The following BECN1 variants were observed in gnomAD, a reference collection of about 807,000 sequenced individuals.
The protein encoded by BECN1 is beclin-1.
A neutral mutation model predicts 60.1 loss-of-function variants in BECN1; 15 were observed. That is an observed-to-expected ratio of 0.25 (90% CI 0.17 to 0.38). The LOEUF (loss-of-function observed/expected upper bound fraction) is 0.38, where lower values mean the gene tolerates loss of function less well. Among genes scored for constraint, BECN1 ranks in the 10% least tolerant of loss-of-function variants. BECN1 has a pLI of 1.00. For synonymous variants in BECN1, 179 were observed against 201.8 expected (o/e 0.89, Z 0.96); for missense variants, 424 against 548.2 (o/e 0.77, Z 2.26).
chr17:42,811,385 CCTT>C (rs1055529234), intron 11 of BECN1: 51 of 360,536 alleles, frequency 1.4e-4, no homozygotes, highest in Non-Finnish European at 2.3e-4. Context: ...CAGGGAAAAA[CCTT>C]CTTGAAACTG....
intron 11 of BECN1, chr17:42,811,392 G>A: frequency 2.7e-6 from 1 of 368,600 alleles, no homozygotes; most frequent in Non-Finnish European, 4.8e-6. Flanking sequence ...AAACCTTCTT[G>A]AAACTGGAGA....
intron 10 of BECN1, among the ~76,000 whole-genome samples, chr17:42,813,046 G>GT (rs1426702118): frequency 7.0e-6 from 1 of 142,640 alleles, no homozygotes; most frequent in African/African-American, 2.6e-5. Context: ...GGGTTTCACT[G>GT]TGTTAGCCAG....
chr17:42,814,682 G>A lies in BECN1; in HGVS notation c.831-9C>T. On this transcript the variant is annotated splice_polypyrimidine_tract_variant and intron_variant, in intron 8 of 11. Transcript: ENST00000590099. ...CAAACTGTCCACTGTGCCTACAGAG[G>A]AAGGCAGAAAGGTGGGGGGAAATAC... 1.2e-6 allele frequency: 2 copies of A among 1,614,074 alleles called. No homozygotes were observed. Among genetic ancestry groups the A allele is most frequent in the South Asian group, 1.1e-5 (1 of 91,058 alleles).
At chr17:42,813,035 G>A (rs1383663669) in intron 10 of BECN1, among the ~76,000 whole-genome samples, 4 of 144,408 alleles carry the variant, frequency 2.8e-5, no homozygotes, top group Admixed American at 6.9e-5. Context: ...TAGTAGAGAC[G>A]GGGTTTCACT....
chr17:42,823,956 G>A (rs1408926130), intron 1 of BECN1, 77 bp from the exon 2 acceptor site: 3 of 1,531,814 alleles, frequency 2.0e-6, no homozygotes, highest in South Asian at 2.4e-5. Flanking sequence ...CACATGCCTT[G>A]GTGACGATGG....
At chr17:42,820,881 T>C in intron 2 of BECN1, 40 bp from the exon 3 acceptor site, 2 of 1,524,080 alleles carry the variant, frequency 1.3e-6, no homozygotes, top group Non-Finnish European at 1.8e-6. Context: ...ACAGTCTTAT[T>C]AAAGCAGGAG....
chr17:42,820,917 TGTGAA>T, intron 2 of BECN1, 76 bp from the exon 3 acceptor site: 6 of 1,342,916 alleles, frequency 4.5e-6, no homozygotes, highest in Non-Finnish European at 6.3e-6. Flanking sequence ...GGGAAAAGAA[TGTGAA>T]ATATTCTCAT....
At chr17:42,819,093 T>C (rs1437998041) in intron 4 of BECN1, 5 of 571,726 alleles carry the variant, frequency 8.7e-6, no homozygotes, top group Non-Finnish European at 1.5e-5. Flanking sequence ...TTGGCCTTGG[T>C]GGACTAAGGA....
At chr17:42,819,671 A>G in intron 3 of BECN1, 62 bp from the exon 4 acceptor site, 3 of 1,533,714 alleles carry the variant, frequency 2.0e-6, no homozygotes, top group Non-Finnish European at 2.7e-6. Flanking sequence ...TCATCTCCCA[A>G]ACAGCCTCAG....
Position 42,814,672 on chromosome 17 carries a change from G to C in BECN1, c.832C>G (p.His278Asp). ...NVFNATFHIW[H>D]SGQFGTINNF... ...TTGATTGTGCCAAACTGTCCACTGT[G>C]CCTACAGAGGAAGGCAGAAAGGTGG... Residue 278 changes from histidine (H) to aspartate (D), a missense_variant and splice_region_variant, in exon 9 of 12, where the codon CAC becomes GAC. By Grantham distance (81) the His-to-Asp change is moderately conservative. Around this residue, in one of 3 missense-constraint regions of BECN1, gnomAD observed 326 missense variants for 406.2 expected, o/e 0.80. Transcript: ENST00000590099. 6.2e-7 allele frequency: 1 copy of C among 1,614,078 alleles called. No individual in the cohort carries two copies. Among genetic ancestry groups the C allele is most frequent in the Non-Finnish European group, 8.5e-7 (1 of 1,180,010 alleles).
intron 9 of BECN1, 52 bp downstream of exon 9, chr17:42,814,472 T>C (rs1182575320): frequency 6.2e-7 from 1 of 1,606,646 alleles, no homozygotes; most frequent in African/African-American, 1.3e-5. Flanking sequence ...AGGTTGGAGA[T>C]ACAAATTATA....
chr17:42,811,644 G>A lies in BECN1; in HGVS notation c.1184+11C>T, dbSNP rs949493281. On this transcript the variant is annotated intron_variant, in intron 11 of 11. Coordinates refer to ENST00000590099, the MANE Select transcript of BECN1 (RefSeq NM_001313998.2). ...CCTATACAAGTTCACTCAGCATTGC[G>A]CTATACTGACCTGTAGGGAAGACAA... is the stretch of plus-strand genomic sequence containing the variant. 1.1e-5 allele frequency: 18 copies of A among 1,612,042 alleles called. No individual in the cohort carries two copies. The African/African-American group carries it at 1.5e-4, about 13-fold the overall frequency.
chr17:42,819,054 G>A (rs1422882386), intron 4 of BECN1, 177 bp from the exon 5 acceptor site: 5 of 643,566 alleles, frequency 7.8e-6, no homozygotes, highest in Non-Finnish European at 5.3e-6. Flanking sequence ...GGCCATGCTG[G>A]TCTTCCACAG....
At chr17:42,820,029 T>C (rs1308560111) in intron 3 of BECN1, among the ~76,000 whole-genome samples, 1 of 152,250 alleles carries the variant, frequency 6.6e-6, no homozygotes, top group Admixed American at 6.5e-5. Flanking sequence ...ATTACTCATA[T>C]GTGACCAAAA....
Position 42,820,798 on chromosome 17 carries a change from C to T in BECN1, c.174G>A (p.Gln58=), listed in dbSNP as rs750105311. 56 of 1,596,936 alleles carry T rather than the reference C, an allele frequency of 3.5e-5. No homozygotes were observed. The Middle Eastern group carries it at 5.0e-4, about 14-fold the overall frequency. ...CCTCTCCTGAGTTAGTCTCTTCCTC[C>T]TGGGTCTCTCCTGGTTTCGCCTGGG... ...TTAQAKPGET[Q]EEETNSGEEP... is the part of the protein sequence containing the mutation. Residue 58 remains glutamine (Q), a synonymous_variant, in exon 3 of 12, where the codon CAG becomes CAA. Transcript: ENST00000590099.
rs142887706 is a variant in BECN1, at chr17:42,817,658, C to T, written c.683+563G>A. Among the ~76,000 whole-genome samples, 98 of 152,340 alleles carry T rather than the reference C, an allele frequency of 6.4e-4. 2 individuals carry two copies. In the Middle Eastern group the frequency reaches 0.031, roughly 48 times the overall value. ...CCTGGGCTCAAGTTATCCTCCACTT[C>T]AGCCTCCTAAGTAGTTGCTAGGACT... On this transcript the variant is annotated intron_variant, in intron 7 of 11. Transcript: ENST00000590099.
At position 42,818,849 on chromosome 17, in the gene BECN1, A is replaced by G; in HGVS notation, c.289T>C (p.Phe97Leu). 1.2e-6 allele frequency: 2 copies of G among 1,614,148 alleles called. No homozygotes were observed. Among genetic ancestry groups the G allele is most frequent in the East Asian group, 2.2e-5 (1 of 44,878 alleles). ...TCAGATGCCTCCCCAATCAGAGTGA[A>G]GCTGTTGGCACTTTCTGTGGACATC... ...RMMSTESANS[F>L]TLIGEASDGG... The change falls in exon 5 of 12, where the codon TTC becomes CTC. Residue 97 changes from phenylalanine (F) to leucine (L), a missense_variant. By Grantham distance (22) the Phe-to-Leu change is conservative. Coordinates refer to ENST00000590099, the MANE Select transcript of BECN1 (RefSeq NM_001313998.2).
At chr17:42,819,847 CCTAA>C (rs751454844) in intron 3 of BECN1, among the ~76,000 whole-genome samples, 2 of 152,006 alleles carry the variant, frequency 1.3e-5, no homozygotes, top group Non-Finnish European at 2.9e-5. Context: ...AACAGCATTT[CCTAA>C]CTATGTTACA....
Position 42,821,921 on chromosome 17 carries a change from A to G in BECN1, c.131-1080T>C, listed in dbSNP as rs1308995240. ...AAAAGTCAAAAATTGTTATTAAAAG[A>G]GTTTAAGAGGCGCGGTGGCTCACGC... is the stretch of plus-strand genomic sequence containing the variant. On this transcript the variant is annotated intron_variant, in intron 2 of 11. Transcript: ENST00000590099. 3.9e-5 allele frequency among the ~76,000 whole-genome samples: 6 copies of G among 152,182 alleles called. No individual in the cohort carries two copies. The East Asian group carries it at 1.2e-3, about 29-fold the overall frequency.
Sources: allele counts gnomAD v4.1 joint callset (sites outside exome capture counted in the v4.1 genomes callset), GRCh38; gene constraint gnomAD v4.1.1; regional missense constraint gnomAD v4.1.1; transcripts MANE v1.5; gene names NCBI Gene and HGNC (gene_info 2026-07-23, HGNC 2026-07-21).